The following ITGB4 variants were observed in gnomAD, a reference collection of about 807,000 sequenced individuals.
The protein encoded by ITGB4 is integrin subunit beta 4.
Under a neutral mutation model 207.6 loss-of-function variants are expected in ITGB4, and 159 were observed. The ratio of observed to expected loss-of-function variants is 0.77; its 90% CI spans 0.67 to 0.87. The LOEUF is 0.87. Among genes scored for constraint, ITGB4 ranks in the 40% least tolerant of loss-of-function variants. ITGB4 has a pLI of 0.00. For missense variants in ITGB4, 2,278 were observed against 2,546.8 expected (o/e 0.89, Z 2.27); for synonymous variants, 1,020 against 1,062.7 (o/e 0.96, Z 0.78).
At position 75,743,818 on chromosome 17, in the gene ITGB4, A is replaced by G; in HGVS notation, c.3068A>G (p.Gln1023Arg). The G allele has an allele frequency of 6.2e-7, 1 of 1,609,940 alleles. No individual in the cohort carries two copies. Among genetic ancestry groups the G allele is most frequent in the Non-Finnish European group, 8.5e-7 (1 of 1,178,506 alleles). Residue 1023 changes from glutamine (Q) to arginine (R), a missense_variant, in exon 26 of 40, where the codon CAG becomes CGG. Coordinates refer to ENST00000200181, the MANE Select transcript of ITGB4 (RefSeq NM_000213.5). ...IRRVLDGGKS[Q>R]VSYRTQDGTA... The stretch of plus-strand genomic sequence containing the variant: ...CGTGTCCTGGACGGCGGGAAGTCCC[A>G]GGTCTCCTACCGCACACAGGATGGC...
At position 75,749,010 on chromosome 17, in the gene ITGB4, A is replaced by G. The variant is rs1206201304; in HGVS notation, c.3281A>G (p.Gln1094Arg). Residue 1094 changes from glutamine (Q) to arginine (R), a missense_variant, in exon 27 of 40, where the codon CAG becomes CGG. Physicochemically the swap from Gln to Arg is conservative, Grantham distance 43 (BLOSUM62 1). Transcript: ENST00000200181. ...SNPKFGAHLG[Q>R]PHSTTIIIRD... ...CCTAAGTTTGGGGCCCACCTGGGCC[A>G]GCCCCACTCCACCACCATCATCATC... The G allele has an allele frequency of 5.0e-6, 8 of 1,612,580 alleles. No individual in the cohort carries two copies. In the South Asian group the frequency reaches 8.8e-5, roughly 18 times the overall value.
At chr17:75,723,687 C>T (rs1400976236) in intron 1 of ITGB4, among the ~76,000 whole-genome samples, 1 of 152,264 alleles carries the variant, frequency 6.6e-6, no homozygotes, top group Non-Finnish European at 1.5e-5. Flanking sequence ...GACCCCAGCC[C>T]CCAGACCCTG....
chr17:75,736,755 G>C, intron 16 of ITGB4, 61 bp downstream of exon 16: 1 of 1,546,988 alleles, frequency 6.5e-7, no homozygotes, highest in Non-Finnish European at 8.8e-7. Flanking sequence ...ATCCAACGGG[G>C]CAAGGGTGTC....
rs947328312 is a variant in ITGB4 at position 75,742,805 on chromosome 17, G to A, written c.2962+44G>A. ...AGTGGGGAAGGCAGACGGGGGCTCG[G>A]GGGCACTGGTTCCTCCTGCTTAAGT... On this transcript the variant is annotated intron_variant, in intron 25 of 39. Transcript: ENST00000200181. This position sits in a 1 kb window ranked among gnomAD's most constrained non-coding sequence, Gnocchi z 5.9. 6.4e-7 allele frequency: 1 copy of A among 1,563,858 alleles called. No individual in the cohort carries two copies. Among genetic ancestry groups the A allele is most frequent in the Non-Finnish European group, 8.7e-7 (1 of 1,155,482 alleles).
intron 6 of ITGB4, among the ~76,000 whole-genome samples, chr17:75,728,770 G>A (rs1472749606): frequency 3.3e-5 from 5 of 152,058 alleles, no homozygotes; most frequent in African/African-American, 1.2e-4. Context: ...GGATCACGAG[G>A]TCAGGAGATC....
rs374003966 is a variant in ITGB4, at chr17:75,730,516, A to G, written c.1002+12A>G. 118 of 1,613,384 alleles carry G rather than the reference A, an allele frequency of 7.3e-5. 1 individual carries two copies. The African/African-American group carries it at 1.4e-3, about 19-fold the overall frequency. On this transcript the variant is annotated intron_variant, in intron 8 of 39. Coordinates refer to ENST00000200181, the MANE Select transcript of ITGB4 (RefSeq NM_000213.5). ...ATAGCTACTACGAGGTGCGGGGCCCAGGTCCCACGGGTGGGAGGTGGTCAA... is the reference window on the plus strand; with the variant it reads ...ATAGCTACTACGAGGTGCGGGGCCCGGGTCCCACGGGTGGGAGGTGGTCAA...
At position 75,748,848 on chromosome 17, in the gene ITGB4, T is replaced by A. The variant is rs2061295954; in HGVS notation, c.3119T>A (p.Ile1040Asn). Residue 1040 changes from isoleucine to asparagine, a missense_variant, in exon 27 of 40, where the codon ATC becomes AAC. Ile to Asn is a moderately radical substitution (Grantham distance 149). Coordinates refer to ENST00000200181, the MANE Select transcript of ITGB4 (RefSeq NM_000213.5). ...DGTAQGNRDY[I>N]PVEGELLFQP... ...GACCCCCTCCACTCCCAGGACTACA[T>A]CCCCGTGGAGGGTGAGCTGCTGTTC... is the stretch of plus-strand genomic sequence containing the variant. 1 of 1,609,624 alleles carries A rather than the reference T, an allele frequency of 6.2e-7. No homozygotes were observed. The highest frequency in any genetic ancestry group is 1.3e-5 in the African/African-American group (1 of 74,892).
In ITGB4 at chr17:75,727,573, T is replaced by G. The variant is rs936449869; in HGVS notation, c.264+68T>G. 8.8e-6 allele frequency: 14 copies of G among 1,589,424 alleles called. No individual in the cohort carries two copies. Among genetic ancestry groups the G allele is most frequent in the Non-Finnish European group, 1.1e-5 (13 of 1,166,882 alleles). On this transcript the variant is annotated intron_variant, in intron 4 of 39. Transcript: ENST00000200181. The surrounding 1 kb of genome is among the most constrained non-coding windows in gnomAD (Gnocchi z 6.0). ...CCTGGCTATTTATGGGGGTGTATAGTGCCCCTTGGCCGGGCTGGGCCCCCA... is the reference window on the plus strand; with the variant it reads ...CCTGGCTATTTATGGGGGTGTATAGGGCCCCTTGGCCGGGCTGGGCCCCCA...
At chr17:75,745,957 G>C (rs1055438777) in intron 26 of ITGB4, among the ~76,000 whole-genome samples, 2 of 152,178 alleles carry the variant, frequency 1.3e-5, no homozygotes, top group African/African-American at 4.8e-5. Context: ...AGCAAACATA[G>C]GGGAGCGCGT....
At position 75,742,836 on chromosome 17, in the gene ITGB4, T is replaced by G. The variant is rs2061146688; in HGVS notation, c.2962+75T>G. 4.9e-6 allele frequency: 7 copies of G among 1,425,802 alleles called. No individual in the cohort carries two copies. In the South Asian group the frequency reaches 8.7e-5, roughly 18 times the overall value. The allele number at this position is 1,425,802 out of a possible 1,614,324, so 88.3% of individuals were successfully genotyped here. Reference sequence around the variant, plus strand: ...CTGGTTCCTCCTGCTTAAGTGGAATTGCGACCTGGCCACGTGGCCTGGGCT... The same window carrying G: ...CTGGTTCCTCCTGCTTAAGTGGAATGGCGACCTGGCCACGTGGCCTGGGCT... On this transcript the variant is annotated intron_variant, in intron 25 of 39. Coordinates refer to ENST00000200181, the MANE Select transcript of ITGB4 (RefSeq NM_000213.5). The surrounding 1 kb of genome is among the most constrained non-coding windows in gnomAD (Gnocchi z 5.9).
chr17:75,754,912 T>A (rs2061454380), intron 34 of ITGB4, 97 bp downstream of exon 34: 1 of 1,574,728 alleles, frequency 6.4e-7, no homozygotes, highest in Non-Finnish European at 8.7e-7. Flanking sequence ...CACCGCCCAT[T>A]CTCCAACATA....
Position 75,750,298 on chromosome 17 carries a change from G to A in ITGB4, c.3474+30G>A. The A allele has an allele frequency of 1.9e-6, 3 of 1,584,906 alleles. No homozygotes were observed. The South Asian group carries it at 3.4e-5, about 18-fold the overall frequency. ...GGCGGGGGGCTGAGGGTCACGACAG[G>A]TGGATGGGCGGTCTGGCACCAGCAC... is the stretch of plus-strand genomic sequence containing the variant. On this transcript the variant is annotated intron_variant, in intron 28 of 39. Transcript: ENST00000200181. The surrounding 1 kb of genome is among the most constrained non-coding windows in gnomAD (Gnocchi z 5.5).
At position 75,737,340 on chromosome 17, in the gene ITGB4, G is replaced by A. The variant is rs149659118; in HGVS notation, c.2009G>A (p.Arg670His). 1.5e-3 allele frequency: 2,313 copies of A among 1,592,452 alleles called. 5 individuals carry two copies. The highest frequency in any genetic ancestry group is 9.4e-3 in the Middle Eastern group (57 of 6,040). The part of the protein sequence containing the change: ...ELKRAEEVVV[R>H]CSFRDEDDDC... ...GGTACAGCCGAGGAGGTGGTGGTGC[G>A]CTGCTCCTTCCGGGACGAGGATGAC... The change falls in exon 17 of 40, where the codon CGC becomes CAC. Residue 670 changes from arginine to histidine, a missense_variant. By Grantham distance (29) the Arg-to-His change is conservative. Coordinates refer to ENST00000200181, the MANE Select transcript of ITGB4 (RefSeq NM_000213.5).
Position 75,754,593 on chromosome 17 carries a change from C to T in ITGB4, c.4336C>T (p.Arg1446Trp), listed in dbSNP as rs1299766746. 11 of 1,613,768 alleles carry T rather than the reference C, an allele frequency of 6.8e-6. No homozygotes were observed. The highest frequency in any genetic ancestry group is 2.2e-5 in the East Asian group (1 of 44,874). Residue 1446 changes from arginine (R) to tryptophan (W), a missense_variant, in exon 34 of 40, where the codon CGG becomes TGG. Transcript: ENST00000200181. ...CCCTGCAGAGCACCTGGTGAATGGC[C>T]GGATGGACTTTGCCTTCCCGGGCAG... The part of the protein sequence containing the change: ...GPPGEHLVNG[R>W]MDFAFPGSTN...
chr17:75,750,722 C>A lies in ITGB4; in HGVS notation c.3517C>A (p.Leu1173Met), dbSNP rs781194350. Residue 1173 changes from leucine to methionine, a missense_variant, in exon 29 of 40, where the codon CTG becomes ATG. Coordinates refer to ENST00000200181, the MANE Select transcript of ITGB4 (RefSeq NM_000213.5). This position sits in a 1 kb window ranked among gnomAD's most constrained non-coding sequence, Gnocchi z 5.5. Reference sequence around the variant, plus strand: ...GGGTGACTCCGAATCCGAAGCCCACCTGCTCGACAGCAAGGTGCCCTCAGT... The same window carrying A: ...GGGTGACTCCGAATCCGAAGCCCACATGCTCGACAGCAAGGTGCCCTCAGT... The part of the protein sequence containing the change: ...IQGDSESEAH[L>M]LDSKVPSVEL... The A allele has an allele frequency of 6.2e-7, 1 of 1,613,520 alleles. No individual in the cohort carries two copies. The highest frequency in any genetic ancestry group is 1.1e-5 in the South Asian group (1 of 91,092).
rs530101325 is a variant in ITGB4, at chr17:75,729,189, T to C, written c.567-76T>C. 1.5e-5 allele frequency: 22 copies of C among 1,424,224 alleles called. No homozygotes were observed. The highest frequency in any genetic ancestry group is 2.1e-5 in the Non-Finnish European group (22 of 1,037,786). 88.2% of individuals were successfully genotyped at this position (1,424,224 alleles called of 1,614,324 possible). A position where few individuals can be genotyped will look rare whatever the true frequency, so the allele number is the denominator to read the frequency against. On this transcript the variant is annotated intron_variant, in intron 6 of 39. Transcript: ENST00000200181. This position sits in a 1 kb window ranked among gnomAD's most constrained non-coding sequence, Gnocchi z 4.4. ...AAAAAAAAAAAATTCTCCTTCTAGTTGAAACGAGCCAGGGGCACTGGGGTC... is the reference window on the plus strand; with the variant it reads ...AAAAAAAAAAAATTCTCCTTCTAGTCGAAACGAGCCAGGGGCACTGGGGTC...
At chr17:75,743,615 C>T in intron 25 of ITGB4, 98 bp from the exon 26 acceptor site, 1 of 1,551,870 alleles carries the variant, frequency 6.4e-7, no homozygotes, top group Admixed American at 1.7e-5. Context: ...CAAGCGGACT[C>T]CTGGATTCTG....
In ITGB4 at chr17:75,732,390, C is replaced by T; in HGVS notation, c.1454+151C>T. Reference sequence around the variant, plus strand: ...GAAACGGCTAAGGGCGGGGCACACCCAGTTGTTGGTCAAACCCAGGTCAAA... The same window carrying T: ...GAAACGGCTAAGGGCGGGGCACACCTAGTTGTTGGTCAAACCCAGGTCAAA... On this transcript the variant is annotated intron_variant, in intron 12 of 39. Transcript: ENST00000200181. The surrounding 1 kb of genome is among the most constrained non-coding windows in gnomAD (Gnocchi z 5.3). 1 of 749,808 alleles carries T rather than the reference C, an allele frequency of 1.3e-6. No homozygotes were observed. Among genetic ancestry groups the T allele is most frequent in the Non-Finnish European group, 2.3e-6 (1 of 430,284 alleles). 46.4% of individuals were successfully genotyped at this position (749,808 alleles called of 1,614,324 possible).
chr17:75,745,387 T>C (rs1380410328), intron 26 of ITGB4, among the ~76,000 whole-genome samples: 1 of 151,872 alleles, frequency 6.6e-6, no homozygotes, highest in East Asian at 1.9e-4. Flanking sequence ...AGTAAGACCC[T>C]GTCTAAAAAA....
Sources: gnomAD v4.1 joint callset for allele counts (sites outside exome capture counted in the v4.1 genomes callset) on GRCh38, gnomAD v4.1.1 for gene constraint, Gnocchi (gnomAD v3.1) non-coding constraint, MANE v1.5 for transcripts, NCBI Gene and HGNC (gene_info 2026-07-23, HGNC 2026-07-21) for gene names.